Variants in NDST4 observed in about 807,000 individuals in gnomAD.
NDST4 encodes N-heparan sulfate sulfotransferase 4.
Under a neutral mutation model 100.8 loss-of-function variants are expected in NDST4, and 63 were observed. The observed-to-expected ratio is 0.62, with a 90% CI of 0.51 to 0.77. NDST4 has a LOEUF of 0.77. Among genes scored for constraint, NDST4 ranks in the 30% least tolerant of loss-of-function variants. The pLI is 0.00. For missense variants in NDST4, 943 were observed against 1,018.4 expected (o/e 0.93, Z 1.01); for synonymous variants, 377 against 361.8 (o/e 1.04, Z -0.48).
chr4:114,844,426 C>T (rs892313366), intron 10 of NDST4, among the ~76,000 whole-genome samples: 14 of 152,308 alleles, frequency 9.2e-5, no homozygotes, highest in African/African-American at 3.4e-4. Flanking sequence ...GATTTTCCCA[C>T]TAGCCACGCG....
At chr4:114,851,614 C>T (rs1044299695) in intron 8 of NDST4, among the ~76,000 whole-genome samples, 2 of 152,094 alleles carry the variant, frequency 1.3e-5, no homozygotes, top group African/African-American at 4.8e-5. Context: ...AGATTTTTAA[C>T]ACAATTTTAC....
chr4:115,001,033 C>T (rs1361934749), intron 2 of NDST4, among the ~76,000 whole-genome samples: 1 of 152,008 alleles, frequency 6.6e-6, no homozygotes, highest in Non-Finnish European at 1.5e-5. Flanking sequence ...TCCTCATGAC[C>T]CACTCTTCAT....
intron 2 of NDST4, among the ~76,000 whole-genome samples, chr4:115,048,914 C>G (rs956901026): frequency 2.6e-5 from 4 of 151,836 alleles, no homozygotes; most frequent in Admixed American, 2.6e-4. Context: ...GCTAGGATTA[C>G]AGGTGTGAGC....
intron 5 of NDST4, among the ~76,000 whole-genome samples, chr4:114,936,519 G>T (rs1725632017): frequency 1.3e-5 from 2 of 152,140 alleles, no homozygotes; most frequent in Non-Finnish European, 2.9e-5. Context: ...ATATTCAAAT[G>T]AGTAAGAACA....
intron 10 of NDST4, among the ~76,000 whole-genome samples, chr4:114,841,813 G>A (rs890427472): frequency 1.3e-5 from 2 of 152,056 alleles, no homozygotes; most frequent in African/African-American, 4.8e-5. Flanking sequence ...AAATTCTGAT[G>A]GTAGTTTATA....
Position 115,019,244 on chromosome 4 carries a change from C to T in NDST4, c.979-41970G>A, listed in dbSNP as rs187730239. On this transcript the variant is annotated intron_variant, in intron 2 of 13. Coordinates refer to ENST00000264363, the MANE Select transcript of NDST4 (RefSeq NM_022569.3). ...TTGTTCAATGGGCTTCTTTAGTGTC[C>T]CCCCAAAACAAAATATACTATTATA... 4.6e-3 allele frequency among the ~76,000 whole-genome samples: 701 copies of T among 151,844 alleles called. 6 individuals carry two copies. Among genetic ancestry groups the T allele is most frequent in the Non-Finnish European group, 7.3e-3 (498 of 67,914 alleles).
At chr4:115,026,631 A>G (rs1426489973) in intron 2 of NDST4, among the ~76,000 whole-genome samples, 8 of 149,192 alleles carry the variant, frequency 5.4e-5, no homozygotes, top group Non-Finnish European at 4.4e-5. Context: ...TTCCAGATGT[A>G]GGAGACTTGT....
chr4:115,048,335 G>T (rs1169597042), intron 2 of NDST4, among the ~76,000 whole-genome samples: 1 of 152,006 alleles, frequency 6.6e-6, no homozygotes, highest in Non-Finnish European at 1.5e-5. Context: ...ACAAATCATT[G>T]AAAGAAAATT....
chr4:115,062,480 A>T (rs1205296888), intron 2 of NDST4, among the ~76,000 whole-genome samples: 1 of 151,922 alleles, frequency 6.6e-6, no homozygotes, highest in Non-Finnish European at 1.5e-5. Flanking sequence ...ATGCATGATC[A>T]TATTGATATA....
intron 7 of NDST4, among the ~76,000 whole-genome samples, chr4:114,858,954 A>G (rs1350572447): frequency 2.0e-5 from 3 of 152,224 alleles, no homozygotes; most frequent in Non-Finnish European, 4.4e-5. Context: ...CCACATAAAC[A>G]TGAAGAATTA....
chr4:114,848,053 T>C (rs375368769), intron 9 of NDST4, among the ~76,000 whole-genome samples, 162 bp downstream of exon 9: 3 of 152,242 alleles, frequency 2.0e-5, no homozygotes, highest in Non-Finnish European at 4.4e-5. Context: ...AATCACATTA[T>C]AGGCAACACT....
chr4:114,831,440 A>G (rs879004717), intron 12 of NDST4, among the ~76,000 whole-genome samples: 3 of 152,240 alleles, frequency 2.0e-5, no homozygotes, highest in East Asian at 1.9e-4. Flanking sequence ...ACAATTCAGC[A>G]TGCTGTATAA....
intron 6 of NDST4, among the ~76,000 whole-genome samples, chr4:114,927,900 T>C (rs1725417863): frequency 2.6e-5 from 4 of 152,180 alleles, no homozygotes; most frequent in Admixed American, 2.6e-4. Context: ...CAAACATCAC[T>C]TTTATACACT....
intron 2 of NDST4, among the ~76,000 whole-genome samples, chr4:115,003,745 G>A (rs1727350165): frequency 6.6e-6 from 1 of 151,838 alleles, no homozygotes; most frequent in South Asian, 2.1e-4. Context: ...GCGGGCACCT[G>A]TACTCCCAGC....
chr4:115,062,628 TA>T (rs1167596116), intron 2 of NDST4, among the ~76,000 whole-genome samples: 3 of 151,454 alleles, frequency 2.0e-5, no homozygotes, highest in East Asian at 3.9e-4. Flanking sequence ...TAAAGAACTT[TA>T]AAAAATTAAT....
chr4:115,043,357 T>C (rs1330649136), intron 2 of NDST4, among the ~76,000 whole-genome samples: 2 of 152,118 alleles, frequency 1.3e-5, no homozygotes, highest in Non-Finnish European at 2.9e-5. Context: ...AAATATACTT[T>C]CTGCATGCTT....
Position 114,870,936 on chromosome 4 carries a change from C to A in NDST4, c.1551G>T (p.Met517Ile). ...TILLNPISIF[M>I]THLSNYGNDR... ...CATTTCCATAGTTTGATAAATGGGT[C>A]ATGAAAATGCTGATCTGAAAGATAA... is the stretch of plus-strand genomic sequence containing the variant. The change falls in exon 7 of 14, where the codon ATG becomes ATT. Residue 517 changes from methionine to isoleucine, a missense_variant. Coordinates refer to ENST00000264363, the MANE Select transcript of NDST4 (RefSeq NM_022569.3). 6.3e-7 allele frequency: 1 copy of A among 1,598,528 alleles called. No individual in the cohort carries two copies. Among genetic ancestry groups the A allele is most frequent in the Non-Finnish European group, 8.5e-7 (1 of 1,174,282 alleles).
chr4:114,952,359 G>A (rs1371925017), intron 4 of NDST4, among the ~76,000 whole-genome samples: 1 of 152,010 alleles, frequency 6.6e-6, no homozygotes, highest in African/African-American at 2.4e-5. Flanking sequence ...AGAAAAAGAT[G>A]CTGCAGTGAA....
intron 6 of NDST4, among the ~76,000 whole-genome samples, chr4:114,876,034 A>G (rs1382944494): frequency 6.6e-6 from 1 of 152,190 alleles, no homozygotes; most frequent in African/African-American, 2.4e-5. Flanking sequence ...AGTGCCTTTA[A>G]AAGTCAAATC....
Sources: gnomAD v4.1 joint callset for allele counts (sites outside exome capture counted in the v4.1 genomes callset) on GRCh38, gnomAD v4.1.1 for gene constraint, MANE v1.5 for transcripts, NCBI Gene and HGNC (gene_info 2026-07-23, HGNC 2026-07-21) for gene names.